The following CDH13 variants were observed in gnomAD, a reference collection of about 807,000 sequenced individuals.
CDH13 encodes the protein cadherin 13.
In CDH13, 24 loss-of-function variants were observed where a neutral mutation model predicts 63.8. The ratio of observed to expected loss-of-function variants is 0.38; its 90% confidence interval spans 0.27 to 0.53. The LOEUF is 0.53. Ranked by LOEUF, CDH13 falls within the 20% of genes least tolerant of loss-of-function variation. The pLI, the probability that CDH13 is intolerant of heterozygous loss-of-function variation, is 0.85. For missense variants in CDH13, 1,049 were observed against 903.1 expected, an observed-to-expected ratio of 1.16 and a Z score of -2.07; for synonymous variants, 503 against 355.3, an observed-to-expected ratio of 1.42 and a Z score of -4.67.
At chr16:83,764,207 G>T (rs983755099) in intron 11 of CDH13, among the ~76,000 whole-genome samples, 1 of 152,132 alleles carries the variant, frequency 6.6e-6, no homozygotes, top group African/African-American at 2.4e-5. Context: ...TATGACCACC[G>T]TGGTGGTGAT....
At chr16:83,782,277 C>T (rs1915580605) in intron 12 of CDH13, among the ~76,000 whole-genome samples, 1 of 152,090 alleles carries the variant, frequency 6.6e-6, no homozygotes, top group African/African-American at 2.4e-5. Flanking sequence ...AAAGAATAGG[C>T]CAGCTGGTGC....
intron 4 of CDH13, among the ~76,000 whole-genome samples, chr16:83,163,185 C>G (rs2037518679): frequency 1.3e-5 from 2 of 152,110 alleles, no homozygotes; most frequent in Admixed American, 6.6e-5. Flanking sequence ...TGTGAGGCTT[C>G]CCCAGCCACA....
At chr16:83,658,029 C>T (rs1318765293) in intron 8 of CDH13, among the ~76,000 whole-genome samples, 1 of 123,598 alleles carries the variant, frequency 8.1e-6, no homozygotes, top group Non-Finnish European at 1.7e-5. Flanking sequence ...ACCACCAGGT[C>T]CCATGTCCTC....
intron 4 of CDH13, among the ~76,000 whole-genome samples, chr16:83,211,083 G>A (rs1020810505): frequency 6.6e-6 from 1 of 151,732 alleles, no homozygotes; most frequent in Non-Finnish European, 1.5e-5. Context: ...AGGAGGCAGA[G>A]GTTGCAGTGA....
intron 11 of CDH13, chr16:83,772,893 T>G (rs562493367): frequency 6.6e-6 from 1 of 152,350 alleles, no homozygotes; most frequent in East Asian, 1.9e-4. Flanking sequence ...GGACAGAGTT[T>G]GAAAGGCAAA....
intron 3 of CDH13, among the ~76,000 whole-genome samples, chr16:83,123,544 G>T (rs2035681634): frequency 1.3e-5 from 2 of 152,062 alleles, no homozygotes; most frequent in African/African-American, 2.4e-5. Flanking sequence ...CTCCCAAAGG[G>T]CTGGGATTAC....
At chr16:83,254,970 TCTTTCTTTCTTTCTTTC>T (rs1906058169) in intron 5 of CDH13, among the ~76,000 whole-genome samples, 3 of 10,488 alleles carry the variant, frequency 2.9e-4, no homozygotes, top group South Asian at 9.3e-3. Flanking sequence ...TTTCTTTCTT[TCTTTCTTTCTTTCTTTC>T]TTTCTTTCTT....
At chr16:83,389,390 A>G (rs2091740684) in intron 6 of CDH13, among the ~76,000 whole-genome samples, 2 of 152,176 alleles carry the variant, frequency 1.3e-5, no homozygotes, top group African/African-American at 2.4e-5. Flanking sequence ...TCAGTTAACA[A>G]TCTCTATCTT....
intron 1 of CDH13, among the ~76,000 whole-genome samples, chr16:82,730,741 AG>A (rs2033358113): frequency 6.6e-6 from 1 of 152,238 alleles, no homozygotes; most frequent in South Asian, 2.1e-4. Flanking sequence ...AATGAAATAA[AG>A]TGAAGCACAA....
At chr16:82,634,781 G>T (rs1442343163) in intron 1 of CDH13, among the ~76,000 whole-genome samples, 1 of 152,220 alleles carries the variant, frequency 6.6e-6, no homozygotes, top group African/African-American at 2.4e-5. Flanking sequence ...AGGGGCCTGA[G>T]AAGTTCAGCC....
At chr16:83,280,585 A>G (rs1028564738) in intron 5 of CDH13, among the ~76,000 whole-genome samples, 6 of 152,228 alleles carry the variant, frequency 3.9e-5, no homozygotes, top group African/African-American at 1.4e-4. Flanking sequence ...TGAACCAAGA[A>G]TGTTCTTAAT....
At chr16:83,276,090 T>C (rs1321911856) in intron 5 of CDH13, among the ~76,000 whole-genome samples, 2 of 152,156 alleles carry the variant, frequency 1.3e-5, no homozygotes, top group African/African-American at 4.8e-5. Context: ...CACATCAGGA[T>C]TGAACAGGCT....
chr16:83,154,241 T>G (rs578093052), intron 4 of CDH13, among the ~76,000 whole-genome samples: 144 of 152,172 alleles, frequency 9.5e-4, no homozygotes, highest in Middle Eastern at 3.4e-3. Context: ...TGATCTGCAA[T>G]GAACCTGTCA....
intron 5 of CDH13, among the ~76,000 whole-genome samples, chr16:83,222,614 C>A (rs531970633): frequency 6.6e-6 from 1 of 152,096 alleles, no homozygotes; most frequent in Non-Finnish European, 1.5e-5. Flanking sequence ...AGGACCCCAG[C>A]CCTCACTAGT....
Position 83,357,526 on chromosome 16 carries a change from G to A in CDH13, c.781+12520G>A, listed in dbSNP as rs1233686095. Among the ~76,000 whole-genome samples, 3 of 152,258 alleles carry A rather than the reference G, an allele frequency of 2.0e-5. No individual in the cohort carries two copies. The East Asian group carries it at 5.8e-4, about 29-fold the overall frequency. On this transcript the variant is annotated intron_variant, in intron 6 of 13. Coordinates refer to ENST00000567109, the MANE Select transcript of CDH13 (RefSeq NM_001257.5). ...AGAGACTACTACTGCTGGCAGAGTC[G>A]TGTTTGCTGATTTCAGACACCATGG... is the stretch of plus-strand genomic sequence containing the variant.
chr16:83,178,574 T>G (rs2151740531), intron 4 of CDH13, among the ~76,000 whole-genome samples: 1 of 152,336 alleles, frequency 6.6e-6, no homozygotes, highest in Middle Eastern at 3.4e-3. Flanking sequence ...AAATGCTGAT[T>G]TGAAATTCAA....
At chr16:82,686,717 C>A (rs1915108301) in intron 1 of CDH13, among the ~76,000 whole-genome samples, 1 of 152,122 alleles carries the variant, frequency 6.6e-6, no homozygotes. Context: ...CGTTGACAAC[C>A]CAGAATGTTG....
intron 3 of CDH13, among the ~76,000 whole-genome samples, chr16:83,066,066 A>G (rs998131318): frequency 2.6e-5 from 4 of 152,214 alleles, no homozygotes; most frequent in South Asian, 2.1e-4. Flanking sequence ...GAAAATACTC[A>G]TGGATTATAT....
At chr16:82,837,511 T>C (rs2038819387) in intron 1 of CDH13, among the ~76,000 whole-genome samples, 1 of 152,178 alleles carries the variant, frequency 6.6e-6, no homozygotes, top group Non-Finnish European at 1.5e-5. Context: ...GGTTAAGATT[T>C]ATTACGGTGA....
Sources: gnomAD v4.1 joint callset for allele counts (sites outside exome capture counted in the v4.1 genomes callset) on GRCh38, gnomAD v4.1.1 for gene constraint, MANE v1.5 for transcripts, NCBI Gene and HGNC (gene_info 2026-07-23, HGNC 2026-07-21) for gene names.